Variants in EVPLL observed in about 807,000 individuals in gnomAD.
EVPLL encodes the protein envoplakin-like protein.
EVPLL carries 39 observed loss-of-function variants against 46.2 expected under a neutral mutation model. The observed-to-expected ratio is 0.84, with a 90% CI of 0.65 to 1.10. EVPLL has a LOEUF of 1.10. Ranked by LOEUF, EVPLL falls within the 50% of genes least tolerant of loss-of-function variation. The pLI, the probability that EVPLL is intolerant of heterozygous loss-of-function variation, is 0.00. For missense variants in EVPLL, 385 were observed against 412.6 expected (o/e 0.93, Z 0.58); for synonymous variants, 156 against 165.8 (o/e 0.94, Z 0.46).
rs768422750 is a variant in EVPLL, at chr17:18,383,063, G to C, written c.550G>C (p.Val184Leu). ...GGCGCGGGCAGAGCCTGGGCAGCCT[G>C]TACACGCACTGCAGGGCTGCACGTG... is the stretch of plus-strand genomic sequence containing the variant. ...VVARAEPGQP[V>L]HALQGCTWQL... The change falls in exon 7 of 11, where the codon GTA (valine) becomes CTA (leucine). Residue 184 changes from valine (V) to leucine (L), a missense_variant. Physicochemically the swap from Val to Leu is conservative, Grantham distance 32 (BLOSUM62 1). Transcript: ENST00000399134. 6.4e-7 allele frequency: 1 copy of C among 1,560,252 alleles called. No homozygotes were observed. The highest frequency in any genetic ancestry group is 1.4e-5 in the African/African-American group (1 of 73,746).
chr17:18,380,701 C>T, intron 1 of EVPLL: 2 of 558,672 alleles, frequency 3.6e-6, no homozygotes, highest in Non-Finnish European at 6.4e-6. Flanking sequence ...ACCTTTTGAC[C>T]CCTCATGTGG....
At chr17:18,385,698 C>G (rs1362225888) in intron 9 of EVPLL, among the ~76,000 whole-genome samples, 2 of 151,886 alleles carry the variant, frequency 1.3e-5, no homozygotes, top group Non-Finnish European at 2.9e-5. Flanking sequence ...AAGGAAAGAT[C>G]AAGATTCCCT....
intron 1 of EVPLL, among the ~76,000 whole-genome samples, chr17:18,379,569 C>T (rs909327538): frequency 6.6e-6 from 1 of 152,220 alleles, no homozygotes; most frequent in African/African-American, 2.4e-5. Flanking sequence ...GCAGGCTCCC[C>T]AGCAGTGTGC....
At chr17:18,386,567 A>G (rs1014592486) in intron 9 of EVPLL, 3 of 152,038 alleles carry the variant, frequency 2.0e-5, no homozygotes, top group Non-Finnish European at 4.4e-5. Flanking sequence ...TTGTTTCCTC[A>G]CCGCCATGCC....
intron 9 of EVPLL, among the ~76,000 whole-genome samples, chr17:18,387,627 G>A (rs1232108356): frequency 4.0e-5 from 6 of 151,736 alleles, no homozygotes; most frequent in African/African-American, 1.2e-4. Context: ...TTCACAGTAG[G>A]AGGGGGGCTT....
intron 1 of EVPLL, among the ~76,000 whole-genome samples, chr17:18,378,672 C>T (rs1277534094): frequency 1.3e-5 from 2 of 149,906 alleles, no homozygotes; most frequent in Admixed American, 6.6e-5. Flanking sequence ...TAAAAAACAG[C>T]CAGGTATGGT....
At position 18,381,513 on chromosome 17, in the gene EVPLL, T is replaced by C. The variant is rs1987573050; in HGVS notation, c.210T>C (p.Thr70=). ...RRLKHPQAEE[T]EKDIEQLHER... is the part of the protein sequence containing the mutation. ...TCAAGCACCCGCAGGCTGAGGAGAC[T>C]GAGAAGGAGTGAGTGGGGCTGCGGC... The change falls in exon 3 of 11, where the codon ACT becomes ACC. Residue 70 remains threonine (T), a synonymous_variant. Transcript: ENST00000399134. The surrounding 1 kb of genome is among the most constrained non-coding windows in gnomAD (Gnocchi z 4.2). 4 of 1,613,720 alleles carry C rather than the reference T, an allele frequency of 2.5e-6. No homozygotes were observed. The highest frequency in any genetic ancestry group is 3.4e-6 in the Non-Finnish European group (4 of 1,179,830).
At position 18,383,383 on chromosome 17, in the gene EVPLL, G is replaced by T. The variant is rs2151629682; in HGVS notation, c.780+5G>T. 10 of 1,582,008 alleles carry T rather than the reference G, an allele frequency of 6.3e-6. 1 individual carries two copies. Among genetic ancestry groups the T allele is most frequent in the South Asian group, 2.3e-5 (2 of 86,734 alleles). On this transcript the variant is annotated splice_donor_5th_base_variant and intron_variant, in intron 8 of 10. Transcript: ENST00000399134. ...CCCGCGGTGGGGCCCATCCAGGTGC[G>T]CTGGGGGCAGGGCGAGAGTGAGAAG... is the stretch of plus-strand genomic sequence containing the variant.
chr17:18,383,075 C>A lies in EVPLL; in HGVS notation c.562C>A (p.Gln188Lys), dbSNP rs1320646346. 4 of 1,555,676 alleles carry A rather than the reference C, an allele frequency of 2.6e-6. No individual in the cohort carries two copies. The East Asian group carries it at 9.5e-5, about 37-fold the overall frequency. ...GCCTGGGCAGCCTGTACACGCACTG[C>A]AGGGCTGCACGTGGCAGCTGAGCGC... ...AEPGQPVHAL[Q>K]GCTWQLSALA... The change falls in exon 7 of 11, where the codon CAG becomes AAG. Residue 188 changes from glutamine to lysine, a missense_variant. Gln to Lys is a moderately conservative substitution (Grantham distance 53). Coordinates refer to ENST00000399134, the MANE Select transcript of EVPLL (RefSeq NM_001145127.2).
rs1987437270 is a variant in EVPLL, at chr17:18,377,996, A to G, written c.-37+13A>G. 6 of 788,392 alleles carry G rather than the reference A, an allele frequency of 7.6e-6. No individual in the cohort carries two copies. The highest frequency in any genetic ancestry group is 1.1e-5 in the Non-Finnish European group (6 of 534,970). 48.8% of individuals were successfully genotyped at this position (788,392 alleles called of 1,614,324 possible). A position where few individuals can be genotyped will look rare whatever the true frequency, so the allele number is the denominator to read the frequency against. Reference sequence around the variant, plus strand: ...GCAAGCACAGCTGGTGAGTGGGACTAGGGGATGGGGAGCCAGGGAGCTAGG... The same window carrying G: ...GCAAGCACAGCTGGTGAGTGGGACTGGGGGATGGGGAGCCAGGGAGCTAGG... On this transcript the variant is annotated intron_variant, in intron 1 of 10. Transcript: ENST00000399134.
At position 18,382,539 on chromosome 17, in the gene EVPLL, G is replaced by T. The variant is rs1355461888; in HGVS notation, c.373G>T (p.Ala125Ser). 1 of 1,551,840 alleles carries T rather than the reference G, an allele frequency of 6.4e-7. No individual in the cohort carries two copies. The highest frequency in any genetic ancestry group is 2.0e-5 in the Admixed American group (1 of 51,020). Residue 125 changes from alanine (A) to serine (S), a missense_variant, in exon 5 of 11, where the codon GCC (alanine) becomes TCC (serine). Physicochemically the swap from Ala to Ser is moderately conservative, Grantham distance 99 (BLOSUM62 1). Coordinates refer to ENST00000399134, the MANE Select transcript of EVPLL (RefSeq NM_001145127.2). The part of the protein sequence containing the change: ...TEAGLRRPVW[A>S]GHGGAGGTDR... ...AGCTGGTCTGCGCAGGCCAGTATGG[G>T]CCGGGCATGGCGGAGCTGGAGGAAC...
In EVPLL at chr17:18,381,425, G is replaced by A. The variant is rs1203322783; in HGVS notation, c.122G>A (p.Ser41Asn). 2.5e-6 allele frequency: 4 copies of A among 1,609,624 alleles called. No individual in the cohort carries two copies. Among genetic ancestry groups the A allele is most frequent in the African/African-American group, 1.3e-5 (1 of 74,776 alleles). ...ALQHQQETGSSLKEAEVLLKD... is the reference protein window; with the variant it reads ...ALQHQQETGSNLKEAEVLLKD... ...CAGCACCAGCAGGAGACGGGCAGCA[G>A]CCTGAAGGAGGCCGAGGTGCTGCTC... Residue 41 changes from serine to asparagine, a missense_variant, in exon 3 of 11, where the codon AGC becomes AAC. Physicochemically the swap from Ser to Asn is conservative, Grantham distance 46. Coordinates refer to ENST00000399134, the MANE Select transcript of EVPLL (RefSeq NM_001145127.2). This position sits in a 1 kb window ranked among gnomAD's most constrained non-coding sequence, Gnocchi z 4.2.
intron 4 of EVPLL, 169 bp from the exon 5 acceptor site, chr17:18,382,344 G>A: frequency 1.2e-6 from 1 of 816,228 alleles, no homozygotes; most frequent in Non-Finnish European, 1.8e-6. Context: ...ACCCTGCAGA[G>A]CAGAATGGCT....
Position 18,381,134 on chromosome 17 carries a change from C to A in EVPLL, c.63+134C>A. On this transcript the variant is annotated intron_variant, in intron 2 of 10. Coordinates refer to ENST00000399134, the MANE Select transcript of EVPLL (RefSeq NM_001145127.2). The surrounding 1 kb of genome is among the most constrained non-coding windows in gnomAD (Gnocchi z 4.2). Reference sequence around the variant, plus strand: ...ACAGATGACATTTGTCCTGCACCGCCTGTCCCCTAACACACGGTGGGAGAG... The same window carrying A: ...ACAGATGACATTTGTCCTGCACCGCATGTCCCCTAACACACGGTGGGAGAG... The A allele has an allele frequency of 8.0e-7, 1 of 1,247,794 alleles. No individual in the cohort carries two copies. The highest frequency in any genetic ancestry group is 1.1e-6 in the Non-Finnish European group (1 of 890,732). The allele number at this position is 1,247,794 out of a possible 1,614,324, so 77.3% of individuals were successfully genotyped here. A position where few individuals can be genotyped will look rare whatever the true frequency, so the allele number is the denominator to read the frequency against.
Position 18,383,559 on chromosome 17 carries a change from A to G in EVPLL, c.848A>G (p.Gln283Arg). Residue 283 changes from glutamine to arginine, a missense_variant, in exon 9 of 11, where the codon CAG becomes CGG. Coordinates refer to ENST00000399134, the MANE Select transcript of EVPLL (RefSeq NM_001145127.2). The part of the protein sequence containing the change: ...FLNLCICQET[Q>R]LQHVEDYSRI... The stretch of plus-strand genomic sequence containing the variant: ...AACCTGTGCATCTGCCAGGAGACCC[A>G]GCTCCAGCACGTGGAGGACTACAGC... 6.7e-7 allele frequency: 1 copy of G among 1,500,818 alleles called. No homozygotes were observed. The highest frequency in any genetic ancestry group is 9.0e-7 in the Non-Finnish European group (1 of 1,116,286). 93.0% of individuals were successfully genotyped at this position (1,500,818 alleles called of 1,614,324 possible). A position where few individuals can be genotyped will look rare whatever the true frequency, so the allele number is the denominator to read the frequency against.
chr17:18,384,363 G>C (rs1987699843), intron 9 of EVPLL, among the ~76,000 whole-genome samples: 1 of 151,772 alleles, frequency 6.6e-6, no homozygotes, highest in Non-Finnish European at 1.5e-5. Flanking sequence ...TTGAGCCCAG[G>C]AGTTTGAGGC....
rs770542835 is a variant in EVPLL, at chr17:18,383,183, G to A, written c.670G>A (p.Glu224Lys). ...ADPAGVRREY[E>K]HFKQHELLSQ... ...CCCTGCGGGCGTGCGGCGGGAATAC[G>A]AGGTCGGCTGGCAGAGGTTGGGGCC... The change falls in exon 7 of 11, where the codon GAG (glutamate) becomes AAG (lysine). Residue 224 changes from glutamate (E) to lysine (K), a missense_variant and splice_region_variant. Glu to Lys is a moderately conservative substitution (Grantham distance 56). Coordinates refer to ENST00000399134, the MANE Select transcript of EVPLL (RefSeq NM_001145127.2). 6.5e-7 allele frequency: 1 copy of A among 1,547,362 alleles called. No homozygotes were observed. The highest frequency in any genetic ancestry group is 1.2e-5 in the South Asian group (1 of 84,944).
chr17:18,378,816 G>A (rs1400042321), intron 1 of EVPLL, among the ~76,000 whole-genome samples: 1 of 148,734 alleles, frequency 6.7e-6, no homozygotes, highest in African/African-American at 2.5e-5. Flanking sequence ...AATACCTCAT[G>A]CCTGCAATCC....
intron 7 of EVPLL, 28 bp downstream of exon 7, chr17:18,383,213 G>A (rs112272681): frequency 3.3e-5 from 51 of 1,547,022 alleles, no homozygotes; most frequent in African/African-American, 3.0e-4. Context: ...GGGGCCAGGC[G>A]GGGGCGACCA....
Sources: allele counts gnomAD v4.1 joint callset (sites outside exome capture counted in the v4.1 genomes callset), GRCh38; gene constraint gnomAD v4.1.1; non-coding constraint Gnocchi (gnomAD v3.1); transcripts MANE v1.5; gene names NCBI Gene and HGNC (gene_info 2026-07-23, HGNC 2026-07-21).